Variants in LDB2 observed in about 807,000 individuals in gnomAD.
LDB2 encodes LIM domain binding 2.
In LDB2, 12 loss-of-function variants were observed where a neutral mutation model predicts 44.3. The observed-to-expected ratio is 0.27, with a 90% CI of 0.17 to 0.44. The LOEUF is 0.44. Among genes scored for constraint, LDB2 ranks in the 20% least tolerant of loss-of-function variants. The probability of loss-of-function intolerance (pLI) is 1.00; values close to 1 mark genes in which losing one functional copy is unlikely to be tolerated. For missense variants in LDB2, 344 were observed against 473.5 expected (o/e 0.73, Z 2.54); for synonymous variants, 164 against 174.8 (o/e 0.94, Z 0.49).
chr4:16,607,582 T>C (rs1433132203), intron 2 of LDB2, among the ~76,000 whole-genome samples: 1 of 152,216 alleles, frequency 6.6e-6, no homozygotes, highest in East Asian at 1.9e-4. Flanking sequence ...GTTGCAAATA[T>C]TAATAACACT....
intron 2 of LDB2, among the ~76,000 whole-genome samples, chr4:16,711,038 T>C (rs1432682608): frequency 6.6e-6 from 1 of 152,228 alleles, no homozygotes; most frequent in Non-Finnish European, 1.5e-5. Flanking sequence ...AATCTGTCCA[T>C]TCATTCAACA....
At chr4:16,841,628 A>G (rs1785909460) in intron 1 of LDB2, among the ~76,000 whole-genome samples, 1 of 152,232 alleles carries the variant, frequency 6.6e-6, no homozygotes, top group Admixed American at 6.5e-5. Flanking sequence ...TAGATTTATC[A>G]AGGGCTTCTT....
chr4:16,657,015 G>T (rs945577507), intron 2 of LDB2, among the ~76,000 whole-genome samples: 2 of 152,112 alleles, frequency 1.3e-5, no homozygotes, highest in East Asian at 3.9e-4. Context: ...ATTAGAGGAA[G>T]GAATATCACA....
chr4:16,503,050 T>G lies in LDB2; in HGVS notation c.892-177A>C, dbSNP rs550368627. 43 of 1,541,520 alleles carry G rather than the reference T, an allele frequency of 2.8e-5. No homozygotes were observed. In the African/African-American group the frequency reaches 5.0e-4, roughly 18 times the overall value. ...ATTTGATTTCTACAGGAAATAAACA[T>G]CGCCTCCTGATGTGTAACAACCACG... is the stretch of plus-strand genomic sequence containing the variant. On this transcript the variant is annotated intron_variant, in intron 7 of 7. Coordinates refer to ENST00000304523, the MANE Select transcript of LDB2 (RefSeq NM_001290.5).
chr4:16,733,524 G>A (rs1375986462), intron 2 of LDB2, among the ~76,000 whole-genome samples: 1 of 152,160 alleles, frequency 6.6e-6, no homozygotes, highest in Non-Finnish European at 1.5e-5. Context: ...GCAGGCAAGG[G>A]ACTCTGGGTT....
At position 16,560,343 on chromosome 4, in the gene LDB2, C is replaced by G. The variant is rs529867241; in HGVS notation, c.615+25579G>C. Among the ~76,000 whole-genome samples, 493 of 151,928 alleles carry G rather than the reference C, an allele frequency of 3.2e-3. 4 individuals are homozygous for G. The highest frequency in any genetic ancestry group is 0.011 in the African/African-American group (453 of 41,456). ...AGCAAGACTAATAAAGAAAAAAAGA[C>G]AGAAGAATCAAATAGACACAATAAA... On this transcript the variant is annotated intron_variant, in intron 5 of 7. Coordinates refer to ENST00000304523, the MANE Select transcript of LDB2 (RefSeq NM_001290.5).
At chr4:16,595,947 G>T in intron 2 of LDB2, 72 bp from the exon 3 acceptor site, 1 of 1,441,702 alleles carries the variant, frequency 6.9e-7, no homozygotes, top group Non-Finnish European at 9.5e-7. Flanking sequence ...CAACACCATT[G>T]CCAAACCTCC....
At chr4:16,638,532 C>A (rs1169933453) in intron 2 of LDB2, among the ~76,000 whole-genome samples, 1 of 152,176 alleles carries the variant, frequency 6.6e-6, no homozygotes, top group Non-Finnish European at 1.5e-5. Flanking sequence ...ACCCAAAGAA[C>A]TTCAAAAATG....
At chr4:16,747,819 T>C (rs887852972) in intron 2 of LDB2, among the ~76,000 whole-genome samples, 2 of 152,126 alleles carry the variant, frequency 1.3e-5, no homozygotes, top group African/African-American at 4.8e-5. Context: ...TATGAGGAAA[T>C]ACCCTCCCAA....
chr4:16,746,295 C>T (rs932746361), intron 2 of LDB2, among the ~76,000 whole-genome samples: 3 of 152,296 alleles, frequency 2.0e-5, no homozygotes. Context: ...TTGAAAAACA[C>T]CAAGAACCAA....
At chr4:16,623,786 ACG>A (rs955129401) in intron 2 of LDB2, among the ~76,000 whole-genome samples, 18 of 140,840 alleles carry the variant, frequency 1.3e-4, no homozygotes, top group African/African-American at 3.7e-4. Context: ...ACACACACAC[ACG>A]TTTTATTTAT....
chr4:16,712,513 C>T (rs1756130336), intron 2 of LDB2, among the ~76,000 whole-genome samples: 1 of 152,074 alleles, frequency 6.6e-6, no homozygotes, highest in South Asian at 2.1e-4. Flanking sequence ...GATTGCACCA[C>T]TGCACTCCAG....
chr4:16,551,961 G>A (rs13127829), intron 5 of LDB2, among the ~76,000 whole-genome samples: 1 of 152,184 alleles, frequency 6.6e-6, no homozygotes, highest in East Asian at 1.9e-4. Flanking sequence ...TTTTCCTTCC[G>A]ACTTTGTAAG....
intron 2 of LDB2, among the ~76,000 whole-genome samples, chr4:16,753,059 A>T (rs921036095): frequency 2.6e-5 from 4 of 152,226 alleles, no homozygotes; most frequent in Admixed American, 6.5e-5. Flanking sequence ...TATTCCTAGA[A>T]AAAACACACA....
chr4:16,727,087 A>C (rs1276515309), intron 2 of LDB2, among the ~76,000 whole-genome samples: 1 of 152,220 alleles, frequency 6.6e-6, no homozygotes, highest in Non-Finnish European at 1.5e-5. Context: ...AAATGCATTT[A>C]AAAGATGGGT....
chr4:16,574,418 C>G (rs911621822), intron 5 of LDB2, among the ~76,000 whole-genome samples: 1 of 152,204 alleles, frequency 6.6e-6, no homozygotes, highest in East Asian at 1.9e-4. Flanking sequence ...TGGCAGACAT[C>G]ATCAATCAGT....
At chr4:16,565,967 T>C (rs1744365373) in intron 5 of LDB2, among the ~76,000 whole-genome samples, 1 of 151,874 alleles carries the variant, frequency 6.6e-6, no homozygotes, top group African/African-American at 2.4e-5. Context: ...CATGTATCTA[T>C]ACATACACAC....
chr4:16,557,332 C>T (rs1008291308), intron 5 of LDB2, among the ~76,000 whole-genome samples: 4 of 152,170 alleles, frequency 2.6e-5, no homozygotes, highest in African/African-American at 9.7e-5. Flanking sequence ...ACAGATGGCA[C>T]CTGGAAAATC....
intron 1 of LDB2, among the ~76,000 whole-genome samples, chr4:16,877,647 C>A (rs1357504108): frequency 6.6e-6 from 1 of 152,158 alleles, no homozygotes; most frequent in Non-Finnish European, 1.5e-5. Context: ...TAGCCATACA[C>A]ATACATATAT....
Sources: gnomAD v4.1 joint callset for allele counts (sites outside exome capture counted in the v4.1 genomes callset) on GRCh38, gnomAD v4.1.1 for gene constraint, MANE v1.5 for transcripts, NCBI Gene and HGNC (gene_info 2026-07-23, HGNC 2026-07-21) for gene names.